The following COPG2 variants were observed in gnomAD, a reference collection of about 807,000 sequenced individuals.
COPG2 encodes the protein coat protein complex I subunit gamma 2.
Under a neutral mutation model 46.3 loss-of-function variants are expected in COPG2, and 37 were observed. The observed-to-expected ratio is 0.80, with a 90% CI of 0.61 to 1.05. The LOEUF (loss-of-function observed/expected upper bound fraction) is 1.05, where lower values mean the gene tolerates loss of function less well. COPG2 is among the 50% of genes least tolerant of loss of function. The pLI, the probability that COPG2 is intolerant of heterozygous loss-of-function variation, is 0.00. For synonymous variants in COPG2, 159 were observed against 129.7 expected, an observed-to-expected ratio of 1.23 and a Z score of -1.53; for missense variants, 427 against 387.8, an observed-to-expected ratio of 1.10 and a Z score of -0.85.
At chr7:130,646,271 T>G (rs1341886637) in intron 5 of COPG2, among the ~76,000 whole-genome samples, 3 of 152,226 alleles carry the variant, frequency 2.0e-5, no homozygotes. Flanking sequence ...ATGTAGATGG[T>G]CTGCTGCTGA....
At chr7:130,573,043 A>G (rs1793935890) in intron 9 of COPG2, among the ~76,000 whole-genome samples, 1 of 152,092 alleles carries the variant, frequency 6.6e-6, no homozygotes, top group Non-Finnish European at 1.5e-5. Flanking sequence ...CTGACACTAA[A>G]GAAATGAAAA....
intron 9 of COPG2, among the ~76,000 whole-genome samples, chr7:130,589,884 G>A (rs1794361450): frequency 1.3e-5 from 2 of 152,116 alleles, no homozygotes; most frequent in African/African-American, 4.8e-5. Context: ...TGATTTGTAA[G>A]AGTTCTTTAT....
chr7:130,573,470 A>G (rs141824754), intron 9 of COPG2, among the ~76,000 whole-genome samples: 2,570 of 152,190 alleles, frequency 0.017, 34 homozygotes, highest in Non-Finnish European at 0.025. Context: ...GAATCCAGTA[A>G]TATGTAAAAA....
chr7:130,604,703 C>T (rs1028196755), intron 9 of COPG2: 3 of 515,922 alleles, frequency 5.8e-6, no homozygotes, highest in Admixed American at 2.0e-5. Context: ...TAGCAAAATA[C>T]TATTTAAAAA....
intron 9 of COPG2, among the ~76,000 whole-genome samples, chr7:130,583,603 G>C (rs1466032824): frequency 6.8e-6 from 1 of 147,074 alleles, no homozygotes; most frequent in Non-Finnish European, 1.5e-5. Flanking sequence ...TCAGGAGATT[G>C]AGACCAACCT....
At chr7:130,606,157 C>T (rs541096192) in intron 9 of COPG2, among the ~76,000 whole-genome samples, 20 of 151,416 alleles carry the variant, frequency 1.3e-4, no homozygotes, top group Admixed American at 1.1e-3. Flanking sequence ...ACCCAGGAAG[C>T]GGAGGTTGTA....
chr7:130,640,362 A>G (rs1279800913), intron 5 of COPG2, among the ~76,000 whole-genome samples: 1 of 151,428 alleles, frequency 6.6e-6, no homozygotes, highest in African/African-American at 2.4e-5. Context: ...TCTCTCCCTA[A>G]TTCACCTACT....
chr7:130,618,499 T>C (rs1277591931), intron 5 of COPG2, among the ~76,000 whole-genome samples: 3 of 152,230 alleles, frequency 2.0e-5, no homozygotes, highest in Non-Finnish European at 4.4e-5. Flanking sequence ...AAATGTATCA[T>C]TTGATTGCAT....
At chr7:130,544,645 A>G (rs1485497234) in intron 20 of COPG2, among the ~76,000 whole-genome samples, 3 of 152,184 alleles carry the variant, frequency 2.0e-5, no homozygotes, top group Non-Finnish European at 2.9e-5. Context: ...AAGGTCAAAC[A>G]TGGGGAATAA....
chr7:130,585,321 A>G (rs1283416262), intron 9 of COPG2, among the ~76,000 whole-genome samples: 1 of 152,120 alleles, frequency 6.6e-6, no homozygotes, highest in African/African-American at 2.4e-5. Flanking sequence ...TCAACTCAAG[A>G]AGGATTAAGG....
intron 5 of COPG2, among the ~76,000 whole-genome samples, chr7:130,639,131 C>T (rs562641621): frequency 1.3e-5 from 2 of 152,324 alleles, no homozygotes; most frequent in South Asian, 4.2e-4. Context: ...CCGCCTTCCA[C>T]GTTGATCTCG....
chr7:130,513,290 T>TAAAAA lies in COPG2; in HGVS notation c.2150-4636_2150-4632dup, dbSNP rs1205677638. On this transcript the variant is annotated intron_variant, in intron 20 of 23. Coordinates refer to ENST00000425248, the MANE Select transcript of COPG2 (RefSeq NM_012133.6). ...GTGACAAGAGTGAAATAATTCTGTC[T>TAAAAA]AAAAAAAAAAAAAAAAAAATATATA... is the stretch of plus-strand genomic sequence containing the variant. Among the ~76,000 whole-genome samples the TAAAAA allele has an allele frequency of 7.8e-3, 157 of 20,252 alleles. 10 individuals are homozygous for TAAAAA. The highest frequency in any genetic ancestry group is 0.014 in the Non-Finnish European group (115 of 8,094). The allele number at this position is 20,252 out of a possible 152,430, so 13.3% of individuals were successfully genotyped here.
chr7:130,550,948 C>T (rs910737108), intron 16 of COPG2, among the ~76,000 whole-genome samples: 8 of 151,840 alleles, frequency 5.3e-5, no homozygotes, highest in Admixed American at 2.6e-4. Flanking sequence ...CATAAGAAAA[C>T]GGGAAAAATG....
At chr7:130,524,569 G>A (rs1008507221) in intron 20 of COPG2, among the ~76,000 whole-genome samples, 13 of 152,154 alleles carry the variant, frequency 8.5e-5, no homozygotes, top group African/African-American at 3.1e-4. Flanking sequence ...CCTGTTGAGA[G>A]CAGGAGGGAT....
rs913400037 is a variant in COPG2, at chr7:130,592,657, T to C, written c.737+18296A>G. On this transcript the variant is annotated intron_variant, in intron 9 of 23. Coordinates refer to ENST00000425248, the MANE Select transcript of COPG2 (RefSeq NM_012133.6). ...TATAGCAAACACGCCAGACTTTTCA[T>C]CATGCCAAGGGAAGGCTGATATTAA... Among the ~76,000 whole-genome samples the C allele has an allele frequency of 2.0e-4, 30 of 152,318 alleles. 2 individuals are homozygous for C. The highest frequency in any genetic ancestry group is 7.2e-4 in the African/African-American group (30 of 41,560).
intron 9 of COPG2, among the ~76,000 whole-genome samples, chr7:130,600,911 T>G (rs1584567565): frequency 6.6e-6 from 1 of 152,310 alleles, no homozygotes; most frequent in South Asian, 2.1e-4. Context: ...AGTTTGTCTG[T>G]GTGACCAAAG....
intron 20 of COPG2, among the ~76,000 whole-genome samples, chr7:130,543,166 T>G (rs933351408): frequency 1.3e-5 from 2 of 152,114 alleles, no homozygotes; most frequent in Admixed American, 6.5e-5. Flanking sequence ...TTTGCAAGTG[T>G]GGGGGTTGGA....
intron 10 of COPG2, among the ~76,000 whole-genome samples, chr7:130,563,596 A>G (rs1308398801): frequency 6.6e-6 from 1 of 151,604 alleles, no homozygotes; most frequent in African/African-American, 2.4e-5. Context: ...TGAAAAATGT[A>G]ACATCAAAAT....
intron 9 of COPG2, among the ~76,000 whole-genome samples, chr7:130,569,116 T>C (rs1482172471): frequency 2.6e-5 from 4 of 152,030 alleles, no homozygotes; most frequent in Admixed American, 6.5e-5. Flanking sequence ...AGAGCATAAA[T>C]AGATGATCTA....
Sources: gnomAD v4.1 joint callset for allele counts (sites outside exome capture counted in the v4.1 genomes callset) on GRCh38, gnomAD v4.1.1 for gene constraint, MANE v1.5 for transcripts, NCBI Gene and HGNC (gene_info 2026-07-23, HGNC 2026-07-21) for gene names.